The following KSR2 variants were observed in gnomAD, a reference collection of about 807,000 sequenced individuals.
The protein encoded by KSR2 is kinase suppressor of ras 2.
In KSR2, 25 loss-of-function variants were observed where a neutral mutation model predicts 107.8. The observed-to-expected ratio is 0.23, with a 90% CI of 0.17 to 0.32. KSR2 has a LOEUF of 0.32. Ranked by LOEUF, KSR2 falls within the 10% of genes least tolerant of loss-of-function variation. The pLI, the probability that KSR2 is intolerant of heterozygous loss-of-function variation, is 1.00. For missense variants in KSR2, 887 were observed against 1,268.9 expected (o/e 0.70, Z 4.57); for synonymous variants, 480 against 507.0 (o/e 0.95, Z 0.71).
At chr12:117,891,943 T>C (rs950598752) in intron 1 of KSR2, among the ~76,000 whole-genome samples, 2 of 148,514 alleles carry the variant, frequency 1.3e-5, no homozygotes, top group African/African-American at 5.0e-5. Context: ...GAAGCTGCAG[T>C]GAGCCATGAT....
chr12:117,838,576 C>T (rs1305632835), intron 3 of KSR2, among the ~76,000 whole-genome samples: 2 of 152,134 alleles, frequency 1.3e-5, no homozygotes, highest in Non-Finnish European at 2.9e-5. Context: ...TGGGCGTGTG[C>T]CTCCTTCCTG....
At chr12:117,962,035 C>T (rs1052008685) in intron 1 of KSR2, among the ~76,000 whole-genome samples, 2 of 151,502 alleles carry the variant, frequency 1.3e-5, no homozygotes, top group African/African-American at 2.4e-5. Flanking sequence ...GTCTCAGCTA[C>T]CCAGGAGGCT....
At chr12:117,894,044 G>A (rs142830208) in intron 1 of KSR2, among the ~76,000 whole-genome samples, 1,751 of 151,994 alleles carry the variant, frequency 0.012, 33 homozygotes, top group African/African-American at 0.038. Flanking sequence ...CGAGTAGCTC[G>A]GAATACAGGC....
chr12:117,578,874 G>A (rs1879460486), intron 7 of KSR2, among the ~76,000 whole-genome samples: 1 of 152,170 alleles, frequency 6.6e-6, no homozygotes, highest in South Asian at 2.1e-4. Flanking sequence ...AAGTATCACT[G>A]TGCCTCAGCA....
At position 117,471,225 on chromosome 12, in the gene KSR2, T is replaced by C. The variant is rs776340170; in HGVS notation, c.2678A>G (p.Asn893Ser). 2 of 1,613,906 alleles carry C rather than the reference T, an allele frequency of 1.2e-6. No individual in the cohort carries two copies. The highest frequency in any genetic ancestry group is 2.2e-5 in the South Asian group (2 of 91,064). The change falls in exon 18 of 20, where the codon AAC (asparagine) becomes AGC (serine). Residue 893 changes from asparagine to serine, a missense_variant. By Grantham distance (46) the Asn-to-Ser change is conservative. Coordinates refer to ENST00000339824, the MANE Select transcript of KSR2 (RefSeq NM_173598.6). ...IWQMGTGMKP[N>S]LSQIGMGKEI... is the part of the protein sequence containing the mutation. ...TTTTCCCATGCCAATCTGGCTGAGG[T>C]TGGGTTTCATGCCTGTGCCCATTTG...
chr12:117,761,870 T>G (rs1342113857), intron 3 of KSR2, among the ~76,000 whole-genome samples: 1 of 152,216 alleles, frequency 6.6e-6, no homozygotes, highest in Non-Finnish European at 1.5e-5. Context: ...CATTACACCA[T>G]ATGCATGTCA....
At chr12:117,613,152 T>C (rs75721556) in intron 5 of KSR2, among the ~76,000 whole-genome samples, 5,796 of 152,206 alleles carry the variant, frequency 0.038, 247 homozygotes, top group East Asian at 0.24. Flanking sequence ...GTATCCAGAG[T>C]TGGTAACAGT....
chr12:117,637,675 G>GTTT (rs56169273), intron 5 of KSR2, among the ~76,000 whole-genome samples: 2,197 of 91,694 alleles, frequency 0.024, 362 homozygotes, highest in African/African-American at 0.077. Flanking sequence ...TCAGTTTTGG[G>GTTT]TTTTTTTTTT....
At chr12:117,741,186 C>A (rs1888204879) in intron 4 of KSR2, among the ~76,000 whole-genome samples, 1 of 151,908 alleles carries the variant, frequency 6.6e-6, no homozygotes, top group African/African-American at 2.4e-5. Flanking sequence ...AGGAGTATAA[C>A]CTATTGAATG....
chr12:117,777,883 A>T (rs1889749847), intron 3 of KSR2, among the ~76,000 whole-genome samples: 1 of 151,872 alleles, frequency 6.6e-6, no homozygotes, highest in African/African-American at 2.4e-5. Flanking sequence ...AATATGAAAA[A>T]TTAGCAGGGT....
At chr12:117,896,020 C>T (rs1192358840) in intron 1 of KSR2, among the ~76,000 whole-genome samples, 1 of 152,234 alleles carries the variant, frequency 6.6e-6, no homozygotes, top group Non-Finnish European at 1.5e-5. Context: ...GACCATGCCA[C>T]TGCACTCCAT....
chr12:117,904,102 A>C (rs1274683509), intron 1 of KSR2, among the ~76,000 whole-genome samples: 2 of 152,192 alleles, frequency 1.3e-5, no homozygotes, highest in African/African-American at 4.8e-5. Flanking sequence ...TTAAAAAATG[A>C]TTCACACAGT....
intron 3 of KSR2, among the ~76,000 whole-genome samples, chr12:117,812,774 A>G (rs1891237519): frequency 6.6e-6 from 1 of 150,800 alleles, no homozygotes; most frequent in African/African-American, 2.5e-5. Context: ...AATACCAATA[A>G]CATTCTTCTC....
intron 3 of KSR2, among the ~76,000 whole-genome samples, chr12:117,847,680 C>T (rs934408205): frequency 2.0e-5 from 3 of 152,196 alleles, no homozygotes; most frequent in Non-Finnish European, 2.9e-5. Flanking sequence ...CTTGCCATGG[C>T]CCACCGTGGG....
At chr12:117,769,200 A>C (rs1172114136) in intron 3 of KSR2, among the ~76,000 whole-genome samples, 1 of 152,098 alleles carries the variant, frequency 6.6e-6, no homozygotes, top group Non-Finnish European at 1.5e-5. Flanking sequence ...TTGAGCACAA[A>C]ATTCTAAAAT....
intron 14 of KSR2, 134 bp downstream of exon 14, chr12:117,524,718 G>GT (rs1874991571): frequency 1.8e-6 from 2 of 1,099,100 alleles, no homozygotes; most frequent in African/African-American, 3.2e-5. Context: ...CTTAAACCAT[G>GT]TAAGTAAACT....
chr12:117,725,066 T>C (rs1244695091), intron 4 of KSR2, among the ~76,000 whole-genome samples: 3 of 72,754 alleles, frequency 4.1e-5, no homozygotes, highest in African/African-American at 8.5e-5. Flanking sequence ...CTTAATTCCC[T>C]CTCTCTCTCT....
intron 3 of KSR2, among the ~76,000 whole-genome samples, chr12:117,809,131 T>A (rs56918257): frequency 0.13 from 20,346 of 152,056 alleles, 2,090 homozygotes; most frequent in African/African-American, 0.29. Context: ...ACTTCTACCA[T>A]ATTCAGCTAC....
At chr12:117,812,927 C>T (rs1447905623) in intron 3 of KSR2, among the ~76,000 whole-genome samples, 1 of 148,446 alleles carries the variant, frequency 6.7e-6, no homozygotes, top group Non-Finnish European at 1.5e-5. Flanking sequence ...AAATATAATC[C>T]AAAACTACAA....
Sources: gnomAD v4.1 joint callset for allele counts (sites outside exome capture counted in the v4.1 genomes callset) on GRCh38, gnomAD v4.1.1 for gene constraint, MANE v1.5 for transcripts, NCBI Gene and HGNC (gene_info 2026-07-23, HGNC 2026-07-21) for gene names.